The following YARS1 variants were observed in gnomAD, a reference collection of about 807,000 sequenced individuals.
YARS1 encodes tyrosyl-tRNA synthetase 1, also known as tyrosine--tRNA ligase, cytoplasmic.
In YARS1, 36 loss-of-function variants were observed where a neutral mutation model predicts 62.2. That is an observed-to-expected ratio of 0.58 (90% CI 0.44 to 0.76). The LOEUF (loss-of-function observed/expected upper bound fraction) is 0.76. Among genes scored for constraint, YARS1 ranks in the 30% least tolerant of loss-of-function variants. The pLI, the probability that YARS1 is intolerant of heterozygous loss-of-function variation, is 0.00. For synonymous variants in YARS1, 234 were observed against 244.9 expected (o/e 0.96, Z 0.42); for missense variants, 524 against 639.8 (o/e 0.82, Z 1.95).
At chr1:32,778,844 T>C (rs1272053903) in intron 12 of YARS1, among the ~76,000 whole-genome samples, 1 of 151,478 alleles carries the variant, frequency 6.6e-6, no homozygotes, top group African/African-American at 2.4e-5. Flanking sequence ...GTTCAAGTGA[T>C]TCTCCTGCCT....
intron 5 of YARS1, among the ~76,000 whole-genome samples, chr1:32,794,446 A>G (rs1653508720): frequency 6.6e-6 from 1 of 152,074 alleles, no homozygotes; most frequent in Non-Finnish European, 1.5e-5. Flanking sequence ...CTGGAGTGCA[A>G]TGGTGCGATC....
chr1:32,782,648 C>A (rs1303996390), intron 8 of YARS1, 109 bp from the exon 9 acceptor site: 4 of 1,460,814 alleles, frequency 2.7e-6, no homozygotes, highest in Non-Finnish European at 3.8e-6. Flanking sequence ...CTTATTTGAT[C>A]CTTGTGATAA....
chr1:32,796,912 C>A (rs533640859), intron 5 of YARS1, among the ~76,000 whole-genome samples: 56 of 128,424 alleles, frequency 4.4e-4, no homozygotes, highest in African/African-American at 1.5e-3. Flanking sequence ...TTGCAGTGAG[C>A]CGAGAGTGAG....
At chr1:32,797,742 G>A (rs1302972676) in intron 5 of YARS1, 21 bp downstream of exon 5, 3 of 1,609,728 alleles carry the variant, frequency 1.9e-6, no homozygotes, top group Non-Finnish European at 1.7e-6. Flanking sequence ...AGTGAAAAAA[G>A]ACAGGAAAGC....
At chr1:32,801,938 ATTTC>A (rs1311055832) in intron 4 of YARS1, among the ~76,000 whole-genome samples, 35 of 112,948 alleles carry the variant, frequency 3.1e-4, no homozygotes, top group African/African-American at 1.1e-3. Context: ...TTCTCTTGTT[ATTTC>A]TTTTTTTTTT....
chr1:32,812,563 C>T (rs1177282676), intron 1 of YARS1, among the ~76,000 whole-genome samples: 1 of 152,232 alleles, frequency 6.6e-6, no homozygotes, highest in Non-Finnish European at 1.5e-5. Flanking sequence ...AGAGAAATCT[C>T]TTCCCCACAC....
chr1:32,784,580 T>C (rs1653160601), intron 8 of YARS1, among the ~76,000 whole-genome samples: 1 of 152,124 alleles, frequency 6.6e-6, no homozygotes, highest in African/African-American at 2.4e-5. Context: ...TGAACTCCTA[T>C]TCCTCAAGCA....
In YARS1 at chr1:32,817,334, C is replaced by A; in HGVS notation, c.-90G>T. 1.9e-6 allele frequency: 3 copies of A among 1,543,578 alleles called. No homozygotes were observed. The highest frequency in any genetic ancestry group is 1.4e-5 in the African/African-American group (1 of 73,790). On this transcript the variant is annotated 5_prime_UTR_variant, in exon 1 of 13. Coordinates refer to ENST00000373477, the MANE Select transcript of YARS1 (RefSeq NM_003680.4). Reference sequence around the variant, plus strand: ...CCGCCGCGTGCCGGGAACTGTCACGCGAGTCCAGCCAGGTTGCATCAGCTG... The same window carrying A: ...CCGCCGCGTGCCGGGAACTGTCACGAGAGTCCAGCCAGGTTGCATCAGCTG...
Position 32,775,791 on chromosome 1 carries a change from T to G in YARS1, c.*190A>C. 3.2e-6 allele frequency: 2 copies of G among 624,666 alleles called. No homozygotes were observed. Among genetic ancestry groups the G allele is most frequent in the Admixed American group, 5.1e-5 (2 of 39,120 alleles). The allele number at this position is 624,666 out of a possible 1,614,324, so 38.7% of individuals were successfully genotyped here. On this transcript the variant is annotated 3_prime_UTR_variant, in exon 13 of 13. Transcript: ENST00000373477. ...CCCTTGTTAGGGGTTGGTCTCTCAC[T>G]GCAGCCAGACAGGATGATCCTGGGT...
intron 1 of YARS1, chr1:32,816,920 G>A (rs916969006): frequency 1.0e-5 from 6 of 590,546 alleles, no homozygotes; most frequent in African/African-American, 1.9e-5. Context: ...ACTTAATAGG[G>A]GGGTGGAATG....
At chr1:32,788,082 T>C (rs140442830) in intron 6 of YARS1, among the ~76,000 whole-genome samples, 1 of 152,222 alleles carries the variant, frequency 6.6e-6, no homozygotes, top group African/African-American at 2.4e-5. Context: ...CACTCCAGCC[T>C]GGGCGACAGT....
At chr1:32,785,887 T>A (rs80253625) in intron 8 of YARS1, among the ~76,000 whole-genome samples, 1 of 16,858 alleles carries the variant, frequency 5.9e-5, no homozygotes, top group Non-Finnish European at 1.3e-4. Context: ...CCCAGCCCAT[T>A]TTCTTTTTTT....
intron 8 of YARS1, among the ~76,000 whole-genome samples, chr1:32,784,621 A>T (rs1349960651): frequency 6.6e-6 from 1 of 152,106 alleles, no homozygotes; most frequent in Non-Finnish European, 1.5e-5. Context: ...CTCCTCCACA[A>T]GCTTTTCTAG....
intron 1 of YARS1, among the ~76,000 whole-genome samples, chr1:32,814,535 GC>G (rs1336871197): frequency 6.6e-6 from 1 of 152,150 alleles, no homozygotes; most frequent in Non-Finnish European, 1.5e-5. Context: ...AATTACAGGT[GC>G]CCGCCACCAG....
intron 4 of YARS1, among the ~76,000 whole-genome samples, chr1:32,803,853 G>A (rs1349786455): frequency 4.0e-5 from 6 of 151,830 alleles, no homozygotes; most frequent in African/African-American, 1.2e-4. Context: ...ATGTGAACAA[G>A]GGTCTCTGGT....
chr1:32,797,513 G>A, intron 5 of YARS1: 1 of 560,002 alleles, frequency 1.8e-6, no homozygotes, highest in Non-Finnish European at 3.2e-6. Flanking sequence ...TGCGGGAGCA[G>A]CTTCCTGGTT....
At chr1:32,786,742 G>T in intron 7 of YARS1, 198 bp downstream of exon 7, 1 of 839,762 alleles carries the variant, frequency 1.2e-6, no homozygotes, top group Non-Finnish European at 1.8e-6. Flanking sequence ...TATTCCCTCA[G>T]AACCTAGCCT....
intron 12 of YARS1, among the ~76,000 whole-genome samples, chr1:32,777,614 AAAAT>A (rs1012473280): frequency 3.3e-5 from 5 of 152,156 alleles, no homozygotes; most frequent in African/African-American, 1.2e-4. Flanking sequence ...CCATCTTGGA[AAAAT>A]AAATAAATAA....
intron 5 of YARS1, among the ~76,000 whole-genome samples, chr1:32,794,258 G>A (rs770543835): frequency 1.3e-5 from 2 of 152,066 alleles, no homozygotes; most frequent in Non-Finnish European, 2.9e-5. Flanking sequence ...GCTGGGGCAC[G>A]AGAATCCCTT....
Sources: allele counts gnomAD v4.1 joint callset (sites outside exome capture counted in the v4.1 genomes callset), GRCh38; gene constraint gnomAD v4.1.1; transcripts MANE v1.5; gene names NCBI Gene and HGNC (gene_info 2026-07-23, HGNC 2026-07-21).